NCOA7: variants seen among roughly 807,000 people sequenced by gnomAD.
The protein encoded by NCOA7 is nuclear receptor coactivator 7.
NCOA7 carries 45 observed loss-of-function variants against 104.3 expected under a neutral mutation model. The ratio of observed to expected loss-of-function variants is 0.43; its 90% CI spans 0.34 to 0.55. The LOEUF is 0.55. Ranked by LOEUF, NCOA7 falls within the 20% of genes least tolerant of loss-of-function variation. The probability of loss-of-function intolerance (pLI) is 0.02; values close to 1 mark genes in which losing one functional copy is unlikely to be tolerated. For missense variants in NCOA7, 1,041 were observed against 1,119.7 expected (o/e 0.93, Z 1.00); for synonymous variants, 398 against 402.3 (o/e 0.99, Z 0.13).
chr6:125,838,168 C>T (rs1197205635), intron 2 of NCOA7, among the ~76,000 whole-genome samples: 1 of 152,052 alleles, frequency 6.6e-6, no homozygotes, highest in Non-Finnish European at 1.5e-5. Flanking sequence ...GTTTGGGAGA[C>T]CATGAAGTGT....
chr6:125,910,688 A>G (rs1463328972), intron 10 of NCOA7, among the ~76,000 whole-genome samples: 2 of 152,372 alleles, frequency 1.3e-5, no homozygotes, highest in Middle Eastern at 3.4e-3. Flanking sequence ...TGCTTTCACA[A>G]TGCAATCCTA....
chr6:125,791,550 G>T (rs1471750926), intron 1 of NCOA7, among the ~76,000 whole-genome samples: 2 of 152,232 alleles, frequency 1.3e-5, no homozygotes, highest in Non-Finnish European at 2.9e-5. Context: ...TAGCTAGTTG[G>T]TATATAAAAT....
intron 1 of NCOA7, among the ~76,000 whole-genome samples, chr6:125,798,697 A>G (rs1378027150): frequency 6.6e-6 from 1 of 152,236 alleles, no homozygotes; most frequent in East Asian, 1.9e-4. Flanking sequence ...GAAAACAGGA[A>G]AGTGACAAAC....
chr6:125,843,502 A>G (rs771880435), intron 2 of NCOA7, among the ~76,000 whole-genome samples: 9 of 152,368 alleles, frequency 5.9e-5, no homozygotes, highest in Admixed American at 2.0e-4. Flanking sequence ...AGCTACGTGC[A>G]TAATATCAAT....
intron 2 of NCOA7, among the ~76,000 whole-genome samples, chr6:125,849,563 T>G (rs190298211): frequency 1.8e-3 from 275 of 152,326 alleles, no homozygotes; most frequent in Non-Finnish European, 1.7e-3. Flanking sequence ...TTTGAAAATT[T>G]TCTGTTATGA....
intron 2 of NCOA7, among the ~76,000 whole-genome samples, chr6:125,840,725 G>A (rs751454969): frequency 6.6e-6 from 1 of 151,654 alleles, no homozygotes; most frequent in African/African-American, 2.4e-5. Context: ...TTCTAGGCTG[G>A]TCTTGAAACT....
intron 13 of NCOA7, among the ~76,000 whole-genome samples, chr6:125,923,750 A>G (rs1583561354): frequency 6.6e-6 from 1 of 152,226 alleles, no homozygotes; most frequent in East Asian, 1.9e-4. Context: ...ACTGTTAAGC[A>G]TTGGGGAGCT....
chr6:125,851,954 A>G (rs1781168289), intron 2 of NCOA7, among the ~76,000 whole-genome samples: 1 of 150,696 alleles, frequency 6.6e-6, no homozygotes, highest in African/African-American at 2.4e-5. Context: ...ATTATTTGCT[A>G]TTGTCTTGCT....
At chr6:125,869,148 T>A (rs953264457) in intron 3 of NCOA7, among the ~76,000 whole-genome samples, 3 of 152,172 alleles carry the variant, frequency 2.0e-5, no homozygotes, top group African/African-American at 7.2e-5. Context: ...ACGGATTCTG[T>A]TTTCAAGCAC....
rs1035344003 is a variant in NCOA7 at position 125,931,761 on chromosome 6, T to C, written c.*2990T>C. ...GCTGTGTGTCCCCACCAACATCTCA[T>C]TGGAATTATAATCCCCACATGTTGA... On this transcript the variant is annotated 3_prime_UTR_variant, in exon 16 of 16. Coordinates refer to ENST00000392477, the MANE Select transcript of NCOA7 (RefSeq NM_181782.5). 6.6e-6 allele frequency: 1 copy of C among 152,168 alleles called. No individual in the cohort carries two copies. The highest frequency in any genetic ancestry group is 1.5e-5 in the Non-Finnish European group (1 of 68,046). The allele number at this position is 152,168 out of a possible 1,614,324, so 9.4% of individuals were successfully genotyped here.
At chr6:125,903,045 C>T (rs1388970284) in intron 10 of NCOA7, among the ~76,000 whole-genome samples, 6 of 152,176 alleles carry the variant, frequency 3.9e-5, no homozygotes, top group Non-Finnish European at 8.8e-5. Context: ...CTATCATTTA[C>T]CTTCTTTGAA....
intron 11 of NCOA7, among the ~76,000 whole-genome samples, chr6:125,917,789 G>A (rs1787210086): frequency 6.6e-6 from 1 of 152,126 alleles, no homozygotes; most frequent in Admixed American, 6.5e-5. Flanking sequence ...TGAGACAAAC[G>A]GTTACTTTCT....
At chr6:125,789,692 T>G (rs1469497949), upstream of NCOA7, among the ~76,000 whole-genome samples, 1 of 152,206 alleles carries the variant, frequency 6.6e-6, no homozygotes, top group Non-Finnish European at 1.5e-5. Flanking sequence ...TTATTCCACA[T>G]TTGCAAGACA....
At chr6:125,885,378 GTGTTGAGAGAGCTAAA>G in intron 8 of NCOA7, 35 bp downstream of exon 8, 1 of 1,603,602 alleles carries the variant, frequency 6.2e-7, no homozygotes, top group Non-Finnish European at 8.5e-7. Flanking sequence ...GAAAAAAGGG[GTGTTGAGAGAGCTAAA>G]TGTAGCTTAA....
chr6:125,920,826 T>A, intron 11 of NCOA7, 117 bp from the exon 12 acceptor site: 1 of 1,338,582 alleles, frequency 7.5e-7, no homozygotes, highest in Non-Finnish European at 1.0e-6. Context: ...TTCAGTTGAT[T>A]TCCTGCTGCC....
intron 10 of NCOA7, among the ~76,000 whole-genome samples, chr6:125,906,990 A>G (rs1786069045): frequency 6.6e-6 from 1 of 152,194 alleles, no homozygotes; most frequent in African/African-American, 2.4e-5. Context: ...TGCTGGGAAG[A>G]GGGACATTGA....
chr6:125,920,121 G>A (rs1787442281), intron 11 of NCOA7, among the ~76,000 whole-genome samples: 1 of 152,180 alleles, frequency 6.6e-6, no homozygotes, highest in Non-Finnish European at 1.5e-5. Flanking sequence ...CATAGCTAGA[G>A]TTAAATAATA....
chr6:125,877,835 A>G (rs946274748), intron 4 of NCOA7, among the ~76,000 whole-genome samples: 2 of 152,244 alleles, frequency 1.3e-5, no homozygotes, highest in East Asian at 3.8e-4. Flanking sequence ...CAGCTTTGCC[A>G]TACAAGCCAG....
chr6:125,927,278 C>G (rs556634642), intron 13 of NCOA7, among the ~76,000 whole-genome samples: 65 of 152,330 alleles, frequency 4.3e-4, no homozygotes, highest in Non-Finnish European at 8.5e-4. Context: ...GTCCCAAGCA[C>G]TCATTTCTGT....
Sources: allele counts gnomAD v4.1 joint callset (sites outside exome capture counted in the v4.1 genomes callset), GRCh38; gene constraint gnomAD v4.1.1; transcripts MANE v1.5; gene names NCBI Gene and HGNC (gene_info 2026-07-23, HGNC 2026-07-21).